Variants in PRKN observed in about 807,000 individuals in gnomAD.
The protein encoded by PRKN is E3 ubiquitin-protein ligase parkin.
PRKN carries 56 observed loss-of-function variants against 59.5 expected under a neutral mutation model. The ratio of observed to expected loss-of-function variants is 0.94; its 90% CI spans 0.76 to 1.18. The LOEUF (loss-of-function observed/expected upper bound fraction) is 1.18, where lower values mean the gene tolerates loss of function less well. PRKN is among the 50% of genes most tolerant of loss of function. The pLI, the probability that PRKN is intolerant of heterozygous loss-of-function variation, is 0.00. For missense variants in PRKN, 657 were observed against 596.4 expected, an observed-to-expected ratio of 1.10 and a Z score of -1.06; for synonymous variants, 250 against 222.1, an observed-to-expected ratio of 1.13 and a Z score of -1.12.
intron 5 of PRKN, among the ~76,000 whole-genome samples, chr6:162,023,311 C>CT (rs1362901506): frequency 1.3e-5 from 2 of 152,138 alleles, no homozygotes; most frequent in African/African-American, 4.8e-5. Context: ...AGAGGGCTTT[C>CT]TGTATCCCCA....
chr6:161,682,643 T>C (rs902295287), intron 7 of PRKN, among the ~76,000 whole-genome samples: 5 of 152,100 alleles, frequency 3.3e-5, no homozygotes, highest in African/African-American at 1.2e-4. Context: ...AGAAGGGCCC[T>C]GGAGGTGAAA....
rs955622261 is a variant in PRKN, at chr6:161,409,980, C to G, written c.1084-23103G>C. Among the ~76,000 whole-genome samples the G allele has an allele frequency of 6.6e-6, 1 of 152,190 alleles. No homozygotes were observed. Among genetic ancestry groups the G allele is most frequent in the African/African-American group, 2.4e-5 (1 of 41,432 alleles). ...TTGAAACAGGAAGATTAAATTCTGTCTCATGTGTATCATGAATAAAAGTGC... is the reference window on the plus strand; with the variant it reads ...TTGAAACAGGAAGATTAAATTCTGTGTCATGTGTATCATGAATAAAAGTGC... On this transcript the variant is annotated intron_variant, in intron 9 of 11. Coordinates refer to ENST00000366898, the MANE Select transcript of PRKN (RefSeq NM_004562.3). This position sits in a 1 kb window ranked among gnomAD's most constrained non-coding sequence, Gnocchi z 4.6.
chr6:162,495,470 A>G (rs186179106), intron 1 of PRKN, among the ~76,000 whole-genome samples: 1 of 152,050 alleles, frequency 6.6e-6, no homozygotes, highest in Non-Finnish European at 1.5e-5. Flanking sequence ...CCTGAATGCC[A>G]AGAGCTTGGG....
intron 1 of PRKN, among the ~76,000 whole-genome samples, chr6:162,462,166 A>G (rs1168042304): frequency 6.6e-6 from 1 of 152,206 alleles, no homozygotes; most frequent in Non-Finnish European, 1.5e-5. Flanking sequence ...CAAAAGGACA[A>G]CGTAAATAAT....
intron 6 of PRKN, among the ~76,000 whole-genome samples, chr6:161,960,444 G>C (rs1372893419): frequency 1.3e-5 from 2 of 152,210 alleles, no homozygotes; most frequent in Admixed American, 1.3e-4. Flanking sequence ...TTCTTTAGCT[G>C]TTGGGGATAA....
At chr6:162,695,334 G>A (rs1777928961) in intron 1 of PRKN, among the ~76,000 whole-genome samples, 1 of 152,014 alleles carries the variant, frequency 6.6e-6, no homozygotes, top group African/African-American at 2.4e-5. Flanking sequence ...CACTCTCAAG[G>A]TTGGTTGCTC....
intron 9 of PRKN, among the ~76,000 whole-genome samples, chr6:161,486,239 C>T (rs1296493252): frequency 1.0e-5 from 1 of 95,658 alleles, no homozygotes; most frequent in African/African-American, 4.0e-5. Context: ...GTGTGGCAAA[C>T]AGTTATGTGT....
intron 1 of PRKN, among the ~76,000 whole-genome samples, chr6:162,501,259 G>A (rs1262789454): frequency 1.3e-5 from 2 of 151,986 alleles, no homozygotes; most frequent in Non-Finnish European, 2.9e-5. Context: ...GGTTGATGGG[G>A]AAAAATGTAA....
intron 1 of PRKN, among the ~76,000 whole-genome samples, chr6:162,670,544 G>A (rs1779280781): frequency 1.3e-5 from 2 of 152,142 alleles, no homozygotes; most frequent in Non-Finnish European, 2.9e-5. Flanking sequence ...TGGCGCTACT[G>A]ATTGTATTGG....
chr6:162,652,022 G>A (rs1778463011), intron 1 of PRKN, among the ~76,000 whole-genome samples: 1 of 152,070 alleles, frequency 6.6e-6, no homozygotes, highest in South Asian at 2.1e-4. Flanking sequence ...GACATTTTGG[G>A]TCAGACAGTT....
At chr6:162,155,599 C>A (rs1249684520) in intron 4 of PRKN, among the ~76,000 whole-genome samples, 1 of 152,062 alleles carries the variant, frequency 6.6e-6, no homozygotes, top group Non-Finnish European at 1.5e-5. Flanking sequence ...TAAAAGTGAT[C>A]TCAGAACATT....
chr6:161,820,719 T>C (rs1193755661), intron 6 of PRKN, among the ~76,000 whole-genome samples: 2 of 148,900 alleles, frequency 1.3e-5, no homozygotes, highest in Admixed American at 6.7e-5. Context: ...TAAAATTATA[T>C]AATTATATAT....
intron 6 of PRKN, among the ~76,000 whole-genome samples, chr6:161,877,685 G>A (rs564302072): frequency 2.6e-5 from 4 of 151,906 alleles, no homozygotes; most frequent in African/African-American, 7.3e-5. Flanking sequence ...AGCCAGGATG[G>A]TCTTGATCTA....
At chr6:161,679,360 G>T (rs1785213132) in intron 7 of PRKN, among the ~76,000 whole-genome samples, 1 of 152,074 alleles carries the variant, frequency 6.6e-6, no homozygotes, top group South Asian at 2.1e-4. Context: ...ATCCTGGGAG[G>T]GTCTGCTTCA....
chr6:162,617,043 T>C (rs1782449990), intron 1 of PRKN, among the ~76,000 whole-genome samples: 3 of 152,176 alleles, frequency 2.0e-5, no homozygotes, highest in Admixed American at 2.0e-4. Context: ...AGTTAGATCT[T>C]AAAATTTTTA....
rs994406079 is a variant in PRKN at position 161,471,985 on chromosome 6, TGAA to T, written c.1083+76866_1083+76868del. On this transcript the variant is annotated intron_variant, in intron 9 of 11. Coordinates refer to ENST00000366898, the MANE Select transcript of PRKN (RefSeq NM_004562.3). The surrounding 1 kb of genome is among the most constrained non-coding windows in gnomAD (Gnocchi z 4.5). ...CATTAAAAAAAAATACTGAAGCCTA[TGAA>T]GAAGAAGTTCTCTCTCATTTGAAAA... Among the ~76,000 whole-genome samples, 49 of 152,284 alleles carry T rather than the reference TGAA, an allele frequency of 3.2e-4. No homozygotes were observed. The highest frequency in any genetic ancestry group is 1.0e-3 in the African/African-American group (43 of 41,562).
intron 5 of PRKN, among the ~76,000 whole-genome samples, chr6:162,007,465 T>A (rs796961415): frequency 6.6e-6 from 1 of 152,146 alleles, no homozygotes; most frequent in African/African-American, 2.4e-5. Context: ...GAGCTAGGGA[T>A]AGGGGAAGTT....
At chr6:162,495,901 C>A (rs1248311723) in intron 1 of PRKN, among the ~76,000 whole-genome samples, 1 of 152,164 alleles carries the variant, frequency 6.6e-6, no homozygotes, top group East Asian at 1.9e-4. Flanking sequence ...CATTCATTCA[C>A]ATATGATCTA....
At chr6:162,387,697 T>C (rs2128143207) in intron 2 of PRKN, among the ~76,000 whole-genome samples, 1 of 152,144 alleles carries the variant, frequency 6.6e-6, no homozygotes, top group African/African-American at 2.4e-5. Context: ...AAAAGTGGAA[T>C]CAACAGAGCA....
Sources: gnomAD v4.1 joint callset for allele counts (sites outside exome capture counted in the v4.1 genomes callset) on GRCh38, gnomAD v4.1.1 for gene constraint, Gnocchi (gnomAD v3.1) non-coding constraint, MANE v1.5 for transcripts, NCBI Gene and HGNC (gene_info 2026-07-23, HGNC 2026-07-21) for gene names.